The following NLGN4Y variants were observed in gnomAD, a reference collection of about 807,000 sequenced individuals.
NLGN4Y encodes neuroligin 4 Y-linked.
Under a neutral mutation model 8.4 loss-of-function variants are expected in NLGN4Y, and 4 were observed. The observed-to-expected ratio is 0.48, with a 90% confidence interval of 0.23 to 1.09. NLGN4Y has a LOEUF of 1.09. Among genes scored for constraint, NLGN4Y ranks in the 50% least tolerant of loss-of-function variants. The pLI is 0.19. For missense variants in NLGN4Y, 90 were observed against 192.3 expected (o/e 0.47, Z 3.15); for synonymous variants, 35 against 75.6 (o/e 0.46, Z 2.78).
At chrY:14,813,899 G>A in intron 4 of NLGN4Y, among the ~76,000 whole-genome samples, 1 of 32,979 alleles carries the variant, frequency 3.0e-5, no homozygotes, top group Non-Finnish European at 7.4e-5. Context: ...TTCAGGGAGA[G>A]TAAAACTTAA....
At chrY:14,712,271 A>G (rs766443729) in intron 2 of NLGN4Y, among the ~76,000 whole-genome samples, 629 of 32,752 alleles carry the variant, frequency 0.019, no homozygotes, top group Non-Finnish European at 0.036. Context: ...TCGGTAAATG[A>G]TCCAATCTGA....
intron 2 of NLGN4Y, among the ~76,000 whole-genome samples, chrY:14,710,881 C>A (rs937159982): frequency 6.0e-5 from 2 of 33,484 alleles, no homozygotes; most frequent in Non-Finnish European, 7.4e-5. Context: ...TTCTTACCTG[C>A]TAGTGAGTGT....
intron 4 of NLGN4Y, among the ~76,000 whole-genome samples, chrY:14,771,565 A>G (rs2081108330): frequency 3.0e-5 from 1 of 33,140 alleles, no homozygotes. Flanking sequence ...AAATAAGGAG[A>G]GGAAAAACCA....
intron 1 of NLGN4Y, among the ~76,000 whole-genome samples, chrY:14,540,477 A>C: frequency 3.0e-5 from 1 of 33,234 alleles, no homozygotes; most frequent in Non-Finnish European, 7.4e-5. Context: ...AGCTCTGCTA[A>C]GGGTCAGACT....
intron 4 of NLGN4Y, among the ~76,000 whole-genome samples, chrY:14,744,829 A>G (rs2081019595): frequency 3.0e-5 from 1 of 33,551 alleles, no homozygotes; most frequent in Non-Finnish European, 7.4e-5. Context: ...GCCCTTTCCC[A>G]TGGGGTAAAA....
At chrY:14,618,886 G>A in intron 1 of NLGN4Y, among the ~76,000 whole-genome samples, 3 of 33,366 alleles carry the variant, frequency 9.0e-5, no homozygotes, top group South Asian at 6.8e-4. Flanking sequence ...GCTGAGATGC[G>A]GCAATGCTGA....
At chrY:14,734,787 T>G in intron 4 of NLGN4Y, among the ~76,000 whole-genome samples, 1 of 33,975 alleles carries the variant, frequency 2.9e-5, no homozygotes, top group African/African-American at 1.1e-4. Flanking sequence ...ACAACGATGT[T>G]TAAAAGTTTC....
intron 4 of NLGN4Y, among the ~76,000 whole-genome samples, chrY:14,777,291 T>C (rs2081129530): frequency 6.0e-5 from 2 of 33,597 alleles, no homozygotes. Flanking sequence ...TATCACTTAC[T>C]GATGAAGAAA....
Position 14,843,045 on chromosome Y carries a change from A to G in NLGN4Y, c.*1783A>G. On this transcript the variant is annotated 3_prime_UTR_variant, in exon 7 of 7. Transcript: ENST00000684976. ...AAATCCAATGTTAAATGCCTCTACT[A>G]AAGTGGGGATTCCCCATAAAAATTG... 8.2e-6 allele frequency: 1 copy of G among 121,912 alleles called. No homozygotes were observed. The highest frequency in any genetic ancestry group is 3.9e-5 in the South Asian group (1 of 25,704). The allele number at this position is 121,912 out of a possible 400,897, so 30.4% of individuals were successfully genotyped here.
intron 4 of NLGN4Y, among the ~76,000 whole-genome samples, chrY:14,812,143 A>G (rs2150588145): frequency 3.0e-5 from 1 of 33,294 alleles, no homozygotes; most frequent in Non-Finnish European, 7.4e-5. Context: ...ACTGTCCTTC[A>G]TAAAATCATC....
chrY:14,549,974 C>T, intron 1 of NLGN4Y, among the ~76,000 whole-genome samples: 4 of 33,814 alleles, frequency 1.2e-4, no homozygotes, highest in African/African-American at 4.6e-4. Flanking sequence ...TGTGGGGCTC[C>T]ACTCAGAACG....
chrY:14,667,515 T>C, intron 2 of NLGN4Y, among the ~76,000 whole-genome samples: 1 of 33,094 alleles, frequency 3.0e-5, no homozygotes, highest in South Asian at 6.9e-4. Flanking sequence ...ACACTTTCAA[T>C]GCCCTTGGCA....
At chrY:14,555,847 G>A in intron 1 of NLGN4Y, among the ~76,000 whole-genome samples, 1 of 33,372 alleles carries the variant, frequency 3.0e-5, no homozygotes, top group Non-Finnish European at 7.4e-5. Flanking sequence ...ATACTATAAT[G>A]CTTTTGTAGT....
At chrY:14,740,967 G>A (rs2081004663) in intron 4 of NLGN4Y, among the ~76,000 whole-genome samples, 1 of 32,356 alleles carries the variant, frequency 3.1e-5, no homozygotes, top group African/African-American at 1.2e-4. Context: ...GCAGTGGCGC[G>A]ATCTCAGCTC....
At chrY:14,590,097 C>T in intron 1 of NLGN4Y, among the ~76,000 whole-genome samples, 2 of 34,489 alleles carry the variant, frequency 5.8e-5, no homozygotes. Flanking sequence ...CCGCCAAGCC[C>T]ACGCCCACCC....
chrY:14,704,708 A>G, intron 2 of NLGN4Y, among the ~76,000 whole-genome samples: 2 of 32,651 alleles, frequency 6.1e-5, no homozygotes, highest in Non-Finnish European at 1.5e-4. Flanking sequence ...CTCTTTTTCT[A>G]TTGATTGGAA....
At chrY:14,619,802 A>G (rs770838995) in intron 1 of NLGN4Y, among the ~76,000 whole-genome samples, 93 of 34,058 alleles carry the variant, frequency 2.7e-3, no homozygotes, top group African/African-American at 5.3e-3. Flanking sequence ...CTGGATAAAG[A>G]AAATGTGGTT....
intron 2 of NLGN4Y, among the ~76,000 whole-genome samples, chrY:14,634,454 G>A: frequency 3.0e-5 from 1 of 33,187 alleles, no homozygotes; most frequent in African/African-American, 1.2e-4. Context: ...GGGCATGGTG[G>A]CACTGGCCTG....
intron 1 of NLGN4Y, among the ~76,000 whole-genome samples, chrY:14,603,090 C>T: frequency 3.0e-5 from 1 of 32,944 alleles, no homozygotes; most frequent in Non-Finnish European, 7.4e-5. Flanking sequence ...CATTTCTGTA[C>T]ATATTTTCTG....
Sources: allele counts gnomAD v4.1 joint callset (sites outside exome capture counted in the v4.1 genomes callset), GRCh38; gene constraint gnomAD v4.1.1; transcripts MANE v1.5; gene names NCBI Gene and HGNC (gene_info 2026-07-23, HGNC 2026-07-21).